The following FAM117B variants were observed in gnomAD, a reference collection of about 807,000 sequenced individuals.
The protein encoded by FAM117B is protein FAM117B.
A neutral mutation model predicts 52.8 loss-of-function variants in FAM117B; 22 were observed. The ratio of observed to expected loss-of-function variants is 0.42; its 90% CI spans 0.30 to 0.59. FAM117B has a LOEUF of 0.59. FAM117B is among the 20% of genes least tolerant of loss of function. FAM117B has a pLI of 0.22. For missense variants in FAM117B, 678 were observed against 802.6 expected (o/e 0.84, Z 1.88); for synonymous variants, 309 against 324.1 (o/e 0.95, Z 0.50).
In FAM117B at chr2:202,766,197, T is replaced by G. The variant is rs979400848; in HGVS notation, c.*433T>G. On this transcript the variant is annotated 3_prime_UTR_variant, in exon 8 of 8. Transcript: ENST00000392238. Reference sequence around the variant, plus strand: ...CTATGAAAATGACTATTTTATAATATACCAATGTTACATTTTCTGAAACGT... The same window carrying G: ...CTATGAAAATGACTATTTTATAATAGACCAATGTTACATTTTCTGAAACGT... 1 of 155,334 alleles carries G rather than the reference T, an allele frequency of 6.4e-6. No homozygotes were observed. Among genetic ancestry groups the G allele is most frequent in the African/African-American group, 2.4e-5 (1 of 41,492 alleles). The allele number at this position is 155,334 out of a possible 1,614,324, so 9.6% of individuals were successfully genotyped here.
intron 4 of FAM117B, among the ~76,000 whole-genome samples, chr2:202,732,826 G>GTAAATAAA (rs71406995): frequency 4.5e-4 from 64 of 141,114 alleles, no homozygotes; most frequent in South Asian, 8.8e-4. Flanking sequence ...ATCTCAATAA[G>GTAAATAAA]TAAATAAATA....
At chr2:202,734,212 C>G (rs1312412013) in intron 4 of FAM117B, among the ~76,000 whole-genome samples, 1 of 152,084 alleles carries the variant, frequency 6.6e-6, no homozygotes. Context: ...TCACACAACT[C>G]TGTTCAATAC....
At chr2:202,641,327 A>G (rs2105751638) in intron 1 of FAM117B, among the ~76,000 whole-genome samples, 1 of 152,318 alleles carries the variant, frequency 6.6e-6, no homozygotes, top group South Asian at 2.1e-4. Flanking sequence ...ATGTAGGGTA[A>G]TAGGGTGTTG....
intron 1 of FAM117B, among the ~76,000 whole-genome samples, chr2:202,648,280 T>A (rs1689900447): frequency 6.6e-6 from 1 of 152,044 alleles, no homozygotes; most frequent in Non-Finnish European, 1.5e-5. Flanking sequence ...GAGGCCGAGA[T>A]GTGTAGATTG....
At chr2:202,764,451 A>G (rs1401483801) in intron 7 of FAM117B, among the ~76,000 whole-genome samples, 2 of 151,322 alleles carry the variant, frequency 1.3e-5, no homozygotes, top group African/African-American at 4.9e-5. Context: ...TAAGGTTTTT[A>G]TAAAGACGAG....
At chr2:202,754,324 A>G (rs1321923272) in intron 4 of FAM117B, among the ~76,000 whole-genome samples, 5 of 152,170 alleles carry the variant, frequency 3.3e-5, no homozygotes, top group Admixed American at 3.3e-4. Context: ...GAGTTGAACA[A>G]TGAGAACACA....
At chr2:202,728,982 C>T (rs1424576108) in intron 4 of FAM117B, among the ~76,000 whole-genome samples, 1 of 152,124 alleles carries the variant, frequency 6.6e-6, no homozygotes, top group Non-Finnish European at 1.5e-5. Flanking sequence ...GTGTTATCAG[C>T]CAACCGCAAG....
chr2:202,646,665 T>C (rs921928421), intron 1 of FAM117B, among the ~76,000 whole-genome samples: 1 of 152,220 alleles, frequency 6.6e-6, no homozygotes, highest in Non-Finnish European at 1.5e-5. Context: ...TTATGCTCTT[T>C]TGAGTACGAG....
At chr2:202,658,805 A>AT (rs1333746457) in intron 1 of FAM117B, among the ~76,000 whole-genome samples, 2 of 151,010 alleles carry the variant, frequency 1.3e-5, no homozygotes, top group African/African-American at 2.4e-5. Context: ...TTAATCTTTG[A>AT]TTTTTTTAGT....
intron 1 of FAM117B, among the ~76,000 whole-genome samples, chr2:202,639,921 C>CA (rs1432446216): frequency 2.0e-5 from 3 of 151,940 alleles, no homozygotes; most frequent in Non-Finnish European, 4.4e-5. Flanking sequence ...TGGTGTTTCT[C>CA]AAAGTGTAGT....
chr2:202,665,881 G>A lies in FAM117B; in HGVS notation c.602-30000G>A, dbSNP rs147163029. Among the ~76,000 whole-genome samples the A allele has an allele frequency of 1.2e-4, 19 of 152,322 alleles. 1 individual carries two copies. Among genetic ancestry groups the A allele is most frequent in the Middle Eastern group, 3.4e-3 (1 of 294 alleles). On this transcript the variant is annotated intron_variant, in intron 1 of 7. Coordinates refer to ENST00000392238, the MANE Select transcript of FAM117B (RefSeq NM_173511.4). ...CTCCCAAAGTGCTGGGATTACAGGC[G>A]TGAGCCATGGAAACTGGCAGGACAG...
At position 202,755,680 on chromosome 2, in the gene FAM117B, T is replaced by C. The variant is rs115493196; in HGVS notation, c.1103T>C (p.Ile368Thr). Residue 368 changes from isoleucine to threonine, a missense_variant and splice_region_variant, in exon 5 of 8, where the codon ATA becomes ACA. Physicochemically the swap from Ile to Thr is moderately conservative, Grantham distance 89. Around this residue, in one of 3 missense-constraint regions of FAM117B, gnomAD observed 583 missense variants for 644.8 expected, o/e 0.90. Transcript: ENST00000392238. ...KETGEKEEQL[I>T]PQDIPDGHRA... is the part of the protein sequence containing the mutation. ...ACTGGGGAAAAGGAAGAGCAACTTA[T>C]AGTAAGTGATCTTGTATCTTAAAAT... is the stretch of plus-strand genomic sequence containing the variant. 100 of 1,611,990 alleles carry C rather than the reference T, an allele frequency of 6.2e-5. No homozygotes were observed. In the East Asian group the frequency reaches 1.4e-3, roughly 23 times the overall value.
intron 4 of FAM117B, among the ~76,000 whole-genome samples, chr2:202,731,368 T>TAG (rs780138718): frequency 0.025 from 2,442 of 95,790 alleles, 204 homozygotes; most frequent in Admixed American, 0.052. Flanking sequence ...TATATATATA[T>TAG]GGAGAGAGAG....
chr2:202,647,063 T>G (rs1032338769), intron 1 of FAM117B, among the ~76,000 whole-genome samples: 1 of 152,154 alleles, frequency 6.6e-6, no homozygotes, highest in African/African-American at 2.4e-5. Context: ...TTTAAAAACT[T>G]ATAAGGCAAC....
chr2:202,731,368 T>TATATATATATA (rs780138718), intron 4 of FAM117B, among the ~76,000 whole-genome samples: 36 of 95,828 alleles, frequency 3.8e-4, no homozygotes, highest in East Asian at 1.1e-3. Context: ...TATATATATA[T>TATATATATATA]GGAGAGAGAG....
At chr2:202,664,094 T>A (rs1347484169) in intron 1 of FAM117B, among the ~76,000 whole-genome samples, 1 of 152,254 alleles carries the variant, frequency 6.6e-6, no homozygotes, top group Non-Finnish European at 1.5e-5. Flanking sequence ...ATGCAAATAA[T>A]ACATTCCAGT....
At chr2:202,718,673 TA>T (rs1559108978) in intron 2 of FAM117B, among the ~76,000 whole-genome samples, 1 of 152,100 alleles carries the variant, frequency 6.6e-6, no homozygotes, top group East Asian at 1.9e-4. Flanking sequence ...TTAACCTCAT[TA>T]AAAATAATTT....
chr2:202,685,658 A>G (rs555499876), intron 1 of FAM117B, among the ~76,000 whole-genome samples: 42 of 152,368 alleles, frequency 2.8e-4, no homozygotes, highest in African/African-American at 9.6e-4. Context: ...TTCTCGATAA[A>G]GGTTCCTAAG....
intron 1 of FAM117B, among the ~76,000 whole-genome samples, chr2:202,657,706 G>A (rs1426383892): frequency 4.6e-5 from 7 of 151,652 alleles, no homozygotes; most frequent in African/African-American, 9.7e-5. Flanking sequence ...AGCTGGTCTC[G>A]ACCTCGTAGG....
Sources: gnomAD v4.1 joint callset for allele counts (sites outside exome capture counted in the v4.1 genomes callset) on GRCh38, gnomAD v4.1.1 for gene constraint, gnomAD v4.1.1 regional missense constraint, MANE v1.5 for transcripts, NCBI Gene and HGNC (gene_info 2026-07-23, HGNC 2026-07-21) for gene names.